SLC22A23: variants seen among roughly 807,000 people sequenced by gnomAD.
SLC22A23 encodes the protein solute carrier family 22 member 23, also known as ion transporter protein.
Under a neutral mutation model 61.0 loss-of-function variants are expected in SLC22A23, and 26 were observed. The observed-to-expected ratio is 0.43, with a 90% confidence interval of 0.31 to 0.59. The LOEUF is 0.59. Among genes scored for constraint, SLC22A23 ranks in the 20% least tolerant of loss-of-function variants. The pLI, the probability that SLC22A23 is intolerant of heterozygous loss-of-function variation, is 0.11. For synonymous variants in SLC22A23, 430 were observed against 413.9 expected (o/e 1.04, Z -0.47); for missense variants, 796 against 934.7 (o/e 0.85, Z 1.94).
intron 3 of SLC22A23, among the ~76,000 whole-genome samples, chr6:3,392,735 T>C (rs890551960): frequency 2.0e-5 from 3 of 152,082 alleles, no homozygotes; most frequent in Admixed American, 6.5e-5. Context: ...GCATGGATAA[T>C]GGTTCTAGGG....
intron 3 of SLC22A23, among the ~76,000 whole-genome samples, chr6:3,351,206 C>T (rs1210918392): frequency 6.6e-6 from 1 of 152,096 alleles, no homozygotes; most frequent in African/African-American, 2.4e-5. Context: ...GAGAGGCCCT[C>T]GCAGTTAAAG....
chr6:3,334,616 A>C (rs1213939505), intron 3 of SLC22A23, among the ~76,000 whole-genome samples: 1 of 152,258 alleles, frequency 6.6e-6, no homozygotes, highest in African/African-American at 2.4e-5. Context: ...ATTTCAGATA[A>C]AAGGAAACTC....
intron 3 of SLC22A23, among the ~76,000 whole-genome samples, chr6:3,353,736 G>A (rs368839521): frequency 1.4e-3 from 213 of 152,206 alleles, no homozygotes; most frequent in African/African-American, 4.9e-3. Flanking sequence ...ATGTACTCAC[G>A]TGATTTCTGG....
At chr6:3,343,126 T>A (rs979076050) in intron 3 of SLC22A23, among the ~76,000 whole-genome samples, 1 of 152,242 alleles carries the variant, frequency 6.6e-6, no homozygotes, top group African/African-American at 2.4e-5. Flanking sequence ...AAAGCTCTGT[T>A]TCTAGGTAGA....
chr6:3,335,010 G>C (rs564319221), intron 3 of SLC22A23, among the ~76,000 whole-genome samples: 1 of 152,280 alleles, frequency 6.6e-6, no homozygotes, highest in East Asian at 1.9e-4. Context: ...TTGTAAAAAT[G>C]GAGATTACAA....
intron 3 of SLC22A23, among the ~76,000 whole-genome samples, chr6:3,337,113 G>A (rs757731209): frequency 6.6e-6 from 1 of 152,140 alleles, no homozygotes; most frequent in Non-Finnish European, 1.5e-5. Flanking sequence ...TGGCAGACTA[G>A]CTTTATTAAG....
chr6:3,370,535 C>T (rs11242851), intron 3 of SLC22A23, among the ~76,000 whole-genome samples: 46,046 of 152,240 alleles, frequency 0.3, 7,717 homozygotes, highest in East Asian at 0.52. Context: ...GGCCAGGTGG[C>T]CTGCGGGGCA....
At chr6:3,432,308 G>C in intron 1 of SLC22A23, 2 of 985,434 alleles carry the variant, frequency 2.0e-6, no homozygotes, top group Non-Finnish European at 2.4e-6. Context: ...CAGGCTTTGA[G>C]GGTAGGCTGG....
chr6:3,386,242 T>C lies in SLC22A23; in HGVS notation c.913+23946A>G, dbSNP rs754586153. ...CCAGTGTGCCCTGACAGTGCACGGT[T>C]AGGGGTTTAGAAACCCAAGGCAGGG... is the stretch of plus-strand genomic sequence containing the variant. On this transcript the variant is annotated intron_variant, in intron 3 of 9. Coordinates refer to ENST00000406686, the MANE Select transcript of SLC22A23 (RefSeq NM_015482.2). The surrounding 1 kb of genome is among the most constrained non-coding windows in gnomAD (Gnocchi z 4.4). 5.3e-5 allele frequency among the ~76,000 whole-genome samples: 8 copies of C among 152,166 alleles called. No individual in the cohort carries two copies. The highest frequency in any genetic ancestry group is 1.2e-4 in the Non-Finnish European group (8 of 68,016).
chr6:3,455,927 G>T lies in SLC22A23; in HGVS notation c.633C>A (p.Leu211=). The part of the protein sequence containing the change: ...RAWDYGIRAG[L]VQNVVSKWDL... ...TTACCTTGCTGACCACGTTCTGGAC[G>T]AGGCCGGCGCGGATGCCGTAGTCCC... is the stretch of plus-strand genomic sequence containing the variant. Residue 211 remains leucine (L), a synonymous_variant, in exon 1 of 10, where the codon CTC becomes CTA. Coordinates refer to ENST00000406686, the MANE Select transcript of SLC22A23 (RefSeq NM_015482.2). 6.6e-7 allele frequency: 1 copy of T among 1,515,150 alleles called. No homozygotes were observed. Among genetic ancestry groups the T allele is most frequent in the Non-Finnish European group, 8.9e-7 (1 of 1,124,712 alleles). The allele number at this position is 1,515,150 out of a possible 1,614,324, so 93.9% of individuals were successfully genotyped here.
intron 1 of SLC22A23, among the ~76,000 whole-genome samples, chr6:3,423,055 T>C (rs1770252725): frequency 6.6e-6 from 1 of 152,192 alleles, no homozygotes; most frequent in African/African-American, 2.4e-5. Context: ...TGTCTTTTTT[T>C]CTTCAAATGA....
chr6:3,282,948 T>G (rs754050842), intron 9 of SLC22A23, among the ~76,000 whole-genome samples: 18 of 152,152 alleles, frequency 1.2e-4, no homozygotes, highest in Non-Finnish European at 2.2e-4. Flanking sequence ...GAGCACAGGT[T>G]AGTCACACCT....
intron 1 of SLC22A23, among the ~76,000 whole-genome samples, chr6:3,425,579 C>T (rs556093848): frequency 2.6e-4 from 40 of 152,164 alleles, no homozygotes; most frequent in Non-Finnish European, 4.3e-4. Context: ...TCACCGCACC[C>T]GGCCGAATAA....
At position 3,297,288 on chromosome 6, in the gene SLC22A23, T is replaced by C. The variant is rs892485149; in HGVS notation, c.1210+803A>G. Among the ~76,000 whole-genome samples, 1 of 152,226 alleles carries C rather than the reference T, an allele frequency of 6.6e-6. No individual in the cohort carries two copies. Among genetic ancestry groups the C allele is most frequent in the Non-Finnish European group, 1.5e-5 (1 of 68,026 alleles). ...GCATATTCTCTCTTGGACGATGGCC[T>C]GGAGGTTATTTTCCCAGGGAATTTT... is the stretch of plus-strand genomic sequence containing the variant. On this transcript the variant is annotated intron_variant, in intron 5 of 9. Transcript: ENST00000406686. The surrounding 1 kb of genome is among the most constrained non-coding windows in gnomAD (Gnocchi z 4.3).
At chr6:3,281,397 T>C (rs1759463784) in intron 9 of SLC22A23, among the ~76,000 whole-genome samples, 1 of 152,232 alleles carries the variant, frequency 6.6e-6, no homozygotes, top group South Asian at 2.1e-4. Context: ...CTTGGGGCAA[T>C]AGATTTCTGC....
In SLC22A23 at chr6:3,426,189, A is replaced by C. The variant is rs193193146; in HGVS notation, c.655-10334T>G. Among the ~76,000 whole-genome samples, 1,182 of 152,290 alleles carry C rather than the reference A, an allele frequency of 7.8e-3. 7 individuals carry two copies. Among genetic ancestry groups the C allele is most frequent in the Non-Finnish European group, 0.013 (853 of 68,024 alleles). ...TGAAATGTTGAAAAAAGTTATGATC[A>C]ACTCCCTATTTTAAAAACAAAGAAA... On this transcript the variant is annotated intron_variant, in intron 1 of 9. Transcript: ENST00000406686.
Position 3,318,526 on chromosome 6 carries a change from G to C in SLC22A23, c.1082+5308C>G, listed in dbSNP as rs933694953. Among the ~76,000 whole-genome samples the C allele has an allele frequency of 6.6e-6, 1 of 152,112 alleles. No homozygotes were observed. The highest frequency in any genetic ancestry group is 1.5e-5 in the Non-Finnish European group (1 of 68,030). ...TGCTCCCACAGAAACCGCAATAAAG[G>C]CTCCTGCCCACGTTTTTGCCTCCCT... is the stretch of plus-strand genomic sequence containing the variant. On this transcript the variant is annotated intron_variant, in intron 4 of 9. Coordinates refer to ENST00000406686, the MANE Select transcript of SLC22A23 (RefSeq NM_015482.2). This position sits in a 1 kb window ranked among gnomAD's most constrained non-coding sequence, Gnocchi z 4.3.
At position 3,330,966 on chromosome 6, in the gene SLC22A23, T is replaced by C. The variant is rs1454949265; in HGVS notation, c.914-6964A>G. ...TTAACTACCAATTGAATACCTATCA[T>C]GTCTGCACTACTAGGCGAAGTAACA... On this transcript the variant is annotated intron_variant, in intron 3 of 9. Transcript: ENST00000406686. The surrounding 1 kb of genome is among the most constrained non-coding windows in gnomAD (Gnocchi z 4.7). Among the ~76,000 whole-genome samples, 3 of 152,258 alleles carry C rather than the reference T, an allele frequency of 2.0e-5. No homozygotes were observed. The highest frequency in any genetic ancestry group is 7.2e-5 in the African/African-American group (3 of 41,472).
In SLC22A23 at chr6:3,414,999, T is replaced by G. The variant is rs73720721; in HGVS notation, c.758+753A>C. 0.021 allele frequency among the ~76,000 whole-genome samples: 3,137 copies of G among 152,284 alleles called. 98 individuals carry two copies. Among genetic ancestry groups the G allele is most frequent in the African/African-American group, 0.068 (2,808 of 41,540 alleles). On this transcript the variant is annotated intron_variant, in intron 2 of 9. Coordinates refer to ENST00000406686, the MANE Select transcript of SLC22A23 (RefSeq NM_015482.2). This position sits in a 1 kb window ranked among gnomAD's most constrained non-coding sequence, Gnocchi z 5.1. ...TCTCCAGCTTAAAGCTGAGTGAACT[T>G]GGAGATTTTACTTACACTTCTCTGC...
Sources: allele counts gnomAD v4.1 joint callset (sites outside exome capture counted in the v4.1 genomes callset), GRCh38; gene constraint gnomAD v4.1.1; non-coding constraint Gnocchi (gnomAD v3.1); transcripts MANE v1.5; gene names NCBI Gene and HGNC (gene_info 2026-07-23, HGNC 2026-07-21).